KCNIP4: variants seen among roughly 807,000 people sequenced by gnomAD.
The protein encoded by KCNIP4 is potassium voltage-gated channel interacting protein 4.
A neutral mutation model predicts 34.0 loss-of-function variants in KCNIP4; 12 were observed. The observed-to-expected ratio is 0.35, with a 90% CI of 0.23 to 0.57. The LOEUF (loss-of-function observed/expected upper bound fraction) is 0.57, where lower values mean the gene tolerates loss of function less well. Ranked by LOEUF, KCNIP4 falls within the 20% of genes least tolerant of loss-of-function variation. The pLI, the probability that KCNIP4 is intolerant of heterozygous loss-of-function variation, is 0.83. For synonymous variants in KCNIP4, 124 were observed against 102.2 expected, an observed-to-expected ratio of 1.21 and a Z score of -1.29; for missense variants, 238 against 311.7, an observed-to-expected ratio of 0.76 and a Z score of 1.78.
intron 1 of KCNIP4, among the ~76,000 whole-genome samples, chr4:21,513,251 C>T (rs1183080293): frequency 6.6e-6 from 1 of 152,232 alleles, no homozygotes; most frequent in Non-Finnish European, 1.5e-5. Context: ...TCTACCTCCA[C>T]ATGTGGCTTG....
rs185817507 is a variant in KCNIP4, at chr4:21,326,305, T to C, written c.62-443596A>G. ...TTGGATATACATATATATATATATA[T>C]ACATATACGCACACATATTTGTTAT... On this transcript the variant is annotated intron_variant, in intron 1 of 8. Coordinates refer to ENST00000382152, the MANE Select transcript of KCNIP4 (RefSeq NM_025221.6). Among the ~76,000 whole-genome samples, 26 of 150,222 alleles carry C rather than the reference T, an allele frequency of 1.7e-4. No individual in the cohort carries two copies. The East Asian group carries it at 1.7e-3, about 10-fold the overall frequency.
intron 1 of KCNIP4, among the ~76,000 whole-genome samples, chr4:21,794,123 C>T (rs7656388): frequency 0.98 from 148,664 of 152,196 alleles, 72,703 homozygotes; most frequent in East Asian, 1. Flanking sequence ...GGGCCTGTCA[C>T]GGGGTAGGGG....
intron 1 of KCNIP4, among the ~76,000 whole-genome samples, chr4:21,925,336 TG>T (rs1268182789): frequency 1.3e-5 from 2 of 151,622 alleles, no homozygotes; most frequent in Admixed American, 1.3e-4. Context: ...ATGTGGTGTT[TG>T]GTTTTTTGTC....
chr4:21,251,353 T>C (rs568690377), intron 1 of KCNIP4, among the ~76,000 whole-genome samples: 147 of 152,294 alleles, frequency 9.7e-4, no homozygotes, highest in Non-Finnish European at 1.1e-3. Context: ...TTTGCATGCA[T>C]TACTTTTTAC....
chr4:21,455,810 TATATATATATATATATATATATA>T lies in KCNIP4; in HGVS notation c.61+492738_61+492760del, dbSNP rs1728890073. ...AATGTGATAGTCTTACAGATATTCA[TATATATATATATATATATATATA>T]TATATATATATATATATATATATGG... is the stretch of plus-strand genomic sequence containing the variant. On this transcript the variant is annotated intron_variant, in intron 1 of 8. Coordinates refer to ENST00000382152, the MANE Select transcript of KCNIP4 (RefSeq NM_025221.6). 4.7e-4 allele frequency among the ~76,000 whole-genome samples: 32 copies of T among 68,024 alleles called. 5 individuals carry two copies. Among genetic ancestry groups the T allele is most frequent in the Non-Finnish European group, 5.6e-4 (23 of 40,862 alleles). The allele number at this position is 68,024 out of a possible 152,430, so 44.6% of individuals were successfully genotyped here. A position where few individuals can be genotyped will look rare whatever the true frequency, so the allele number is the denominator to read the frequency against.
chr4:21,364,732 A>G (rs537193123), intron 1 of KCNIP4, among the ~76,000 whole-genome samples: 5 of 152,178 alleles, frequency 3.3e-5, no homozygotes, highest in Non-Finnish European at 7.4e-5. Flanking sequence ...ATAGATTATA[A>G]GGACACACAA....
intron 1 of KCNIP4, among the ~76,000 whole-genome samples, chr4:21,155,715 C>T (rs534243765): frequency 1.2e-4 from 18 of 152,068 alleles, no homozygotes; most frequent in African/African-American, 2.9e-4. Flanking sequence ...TTTGAAATGA[C>T]AATAGAAAGA....
intron 1 of KCNIP4, among the ~76,000 whole-genome samples, chr4:21,391,752 T>C (rs538806610): frequency 6.6e-6 from 1 of 152,312 alleles, no homozygotes; most frequent in African/African-American, 2.4e-5. Context: ...TCAAAAGTCT[T>C]CATCAGCTGT....
chr4:21,939,596 A>G (rs1376652368), intron 1 of KCNIP4, among the ~76,000 whole-genome samples: 2 of 152,110 alleles, frequency 1.3e-5, no homozygotes, highest in Admixed American at 6.5e-5. Flanking sequence ...TTAAATTAAC[A>G]CAGTGCACCT....
chr4:20,904,982 GAC>G (rs1337376987), intron 1 of KCNIP4, among the ~76,000 whole-genome samples: 1 of 152,158 alleles, frequency 6.6e-6, no homozygotes, highest in Non-Finnish European at 1.5e-5. Flanking sequence ...ATTTAAGAGA[GAC>G]AGTTTTTTCA....
intron 1 of KCNIP4, among the ~76,000 whole-genome samples, chr4:21,048,013 G>C (rs1416391027): frequency 6.6e-6 from 1 of 152,180 alleles, no homozygotes; most frequent in East Asian, 1.9e-4. Context: ...AAAGTTTTTA[G>C]TACATTCTTA....
intron 1 of KCNIP4, among the ~76,000 whole-genome samples, chr4:21,813,710 A>C (rs1276513001): frequency 6.6e-6 from 1 of 152,196 alleles, no homozygotes; most frequent in South Asian, 2.1e-4. Flanking sequence ...CATTTCAAAA[A>C]TGTCAAAAAT....
intron 1 of KCNIP4, among the ~76,000 whole-genome samples, chr4:21,862,145 T>G (rs1227470261): frequency 6.6e-6 from 1 of 152,198 alleles, no homozygotes; most frequent in Non-Finnish European, 1.5e-5. Flanking sequence ...GTGGCCTTGC[T>G]GGCCATCTAA....
intron 1 of KCNIP4, among the ~76,000 whole-genome samples, chr4:21,776,476 A>G (rs1269641432): frequency 1.3e-5 from 2 of 152,206 alleles, no homozygotes; most frequent in African/African-American, 4.8e-5. Context: ...TGTGGTGAAC[A>G]GGCCTGGGTA....
At chr4:21,015,274 C>T (rs1249960580) in intron 1 of KCNIP4, among the ~76,000 whole-genome samples, 3 of 148,930 alleles carry the variant, frequency 2.0e-5, no homozygotes, top group Non-Finnish European at 4.4e-5. Flanking sequence ...GGACAAAATG[C>T]TAGAAATATA....
In KCNIP4 at chr4:21,918,982, C is replaced by A. The variant is rs1560181744; in HGVS notation, c.61+29589G>T. ...TACCTATAATTGACCCCAGTAGGGA[C>A]CATGGAGAAATATAAACAAAGAACA... On this transcript the variant is annotated intron_variant, in intron 1 of 8. Coordinates refer to ENST00000382152, the MANE Select transcript of KCNIP4 (RefSeq NM_025221.6). 2.6e-5 allele frequency among the ~76,000 whole-genome samples: 4 copies of A among 152,056 alleles called. No homozygotes were observed. The South Asian group carries it at 8.3e-4, about 32-fold the overall frequency.
chr4:21,041,349 A>G (rs1000506873), intron 1 of KCNIP4, among the ~76,000 whole-genome samples: 2 of 152,178 alleles, frequency 1.3e-5, no homozygotes, highest in Non-Finnish European at 2.9e-5. Context: ...AAAAACTGGC[A>G]CAAGTATTGT....
intron 1 of KCNIP4, among the ~76,000 whole-genome samples, chr4:21,409,978 G>A (rs1724341075): frequency 1.3e-5 from 2 of 152,128 alleles, no homozygotes; most frequent in Admixed American, 1.3e-4. Flanking sequence ...CTGGTTGAAT[G>A]GGAACATATT....
intron 1 of KCNIP4, among the ~76,000 whole-genome samples, chr4:21,717,862 T>G (rs1234566931): frequency 1.2e-4 from 19 of 152,212 alleles, no homozygotes; most frequent in Admixed American, 1.2e-3. Context: ...ATCGTCACTT[T>G]TCTCTTTCAT....
Sources: gnomAD v4.1 joint callset for allele counts (sites outside exome capture counted in the v4.1 genomes callset) on GRCh38, gnomAD v4.1.1 for gene constraint, MANE v1.5 for transcripts, NCBI Gene and HGNC (gene_info 2026-07-23, HGNC 2026-07-21) for gene names.